The following PAX1 variants were observed in gnomAD, a reference collection of about 807,000 sequenced individuals.
PAX1 encodes paired box protein Pax-1.
Under a neutral mutation model 35.6 loss-of-function variants are expected in PAX1, and 18 were observed. The observed-to-expected ratio is 0.50, with a 90% confidence interval of 0.35 to 0.75. The LOEUF (loss-of-function observed/expected upper bound fraction) is 0.75, where lower values mean the gene tolerates loss of function less well. PAX1 is among the 30% of genes least tolerant of loss of function. The pLI is 0.01. For synonymous variants in PAX1, 397 were observed against 305.2 expected, an observed-to-expected ratio of 1.30 and a Z score of -3.14; for missense variants, 760 against 661.5, an observed-to-expected ratio of 1.15 and a Z score of -1.63.
At position 21,716,258 on chromosome 20, in the gene PAX1, G is replaced by A. The variant is rs921471385; in HGVS notation, c.*1696G>A. On this transcript the variant is annotated 3_prime_UTR_variant, in exon 5 of 5. Coordinates refer to ENST00000613128, the MANE Select transcript of PAX1 (RefSeq NM_001257096.2). ...GGGTTTGCACTACAAAGGGGCTTCC[G>A]GCTAATTGTTTTTTTTTCCTGCCTC... 12 of 144,076 alleles carry A rather than the reference G, an allele frequency of 8.3e-5. No homozygotes were observed. The highest frequency in any genetic ancestry group is 2.6e-4 in the Admixed American group (4 of 15,096). 8.9% of individuals were successfully genotyped at this position (144,076 alleles called of 1,614,324 possible).
Position 21,705,932 on chromosome 20 carries a change from G to A in PAX1, c.220G>A (p.Ala74Thr). The A allele has an allele frequency of 1.4e-6, 2 of 1,474,402 alleles. No individual in the cohort carries two copies. Among genetic ancestry groups the A allele is most frequent in the Admixed American group, 4.8e-5 (2 of 42,038 alleles). The allele number at this position is 1,474,402 out of a possible 1,614,324, so 91.3% of individuals were successfully genotyped here. A position where few individuals can be genotyped will look rare whatever the true frequency, so the allele number is the denominator to read the frequency against. Reference sequence around the variant, plus strand: ...CGGCGCCCAAGCTCTCCCGGACTGCGCCGGGCCCAGCCCCGGCCACCCCGG... The same window carrying A: ...CGGCGCCCAAGCTCTCCCGGACTGCACCGGGCCCAGCCCCGGCCACCCCGG... ...GGGAQALPDC[A>T]GPSPGHPGHP... The change falls in exon 1 of 5, where the codon GCC (alanine) becomes ACC (threonine). Residue 74 changes from alanine (A) to threonine (T), a missense_variant. Ala to Thr is a moderately conservative substitution (Grantham distance 58, BLOSUM62 0). Coordinates refer to ENST00000613128, the MANE Select transcript of PAX1 (RefSeq NM_001257096.2).
chr20:21,714,638 G>A lies in PAX1; in HGVS notation c.*76G>A. The A allele has an allele frequency of 1.3e-6, 2 of 1,579,276 alleles. No individual in the cohort carries two copies. Among genetic ancestry groups the A allele is most frequent in the Non-Finnish European group, 1.7e-6 (2 of 1,165,898 alleles). ...GCGCACAGGTCTGCGCGGCGGCCCC[G>A]GCAATCGGCACGGGCAGGATCGGAG... On this transcript the variant is annotated 3_prime_UTR_variant, in exon 5 of 5. Transcript: ENST00000613128.
At position 21,707,106 on chromosome 20, in the gene PAX1, C is replaced by T. The variant is rs765213809; in HGVS notation, c.916+39C>T. On this transcript the variant is annotated intron_variant, in intron 2 of 4. Transcript: ENST00000613128. ...GCCTCCGTAGCCTTCTATTAAGGGG[C>T]AGAACCTGGGGCGGGCAGGCTTGCA... 3.7e-5 allele frequency: 60 copies of T among 1,612,020 alleles called. No homozygotes were observed. The East Asian group carries it at 1.2e-3, about 31-fold the overall frequency.
chr20:21,717,369 T>C lies in PAX1; in HGVS notation c.*2807T>C, dbSNP rs990772511. The C allele has an allele frequency of 6.6e-6, 1 of 152,278 alleles. No homozygotes were observed. The highest frequency in any genetic ancestry group is 2.1e-4 in the South Asian group (1 of 4,836). 9.4% of individuals were successfully genotyped at this position (152,278 alleles called of 1,614,324 possible). A position where few individuals can be genotyped will look rare whatever the true frequency, so the allele number is the denominator to read the frequency against. The stretch of plus-strand genomic sequence containing the variant: ...GACCTCTTGGAACCTGTCTGTGAAA[T>C]GTAGCCTTCAATGCAGTAACGCGCA... On this transcript the variant is annotated 3_prime_UTR_variant, in exon 5 of 5. Transcript: ENST00000613128.
chr20:21,707,183 G>C, intron 2 of PAX1, 116 bp downstream of exon 2: 1 of 1,323,084 alleles, frequency 7.6e-7, no homozygotes, highest in Non-Finnish European at 1.1e-6. Flanking sequence ...GCTCAGGGGA[G>C]GGCTCCACAC....
At chr20:21,707,167 GTTCT>G (rs1251628914) in intron 2 of PAX1, 100 bp downstream of exon 2, 4 of 1,482,538 alleles carry the variant, frequency 2.7e-6, no homozygotes, top group African/African-American at 2.8e-5. Context: ...CCCGGGACCG[GTTCT>G]GGCTCAGGGG....
rs960552009 is a variant in PAX1 at position 21,717,263 on chromosome 20, C to G, written c.*2701C>G. The stretch of plus-strand genomic sequence containing the variant: ...TGTGGGGTGTGGAGGGACATACCCC[C>G]TCTCTCGCGGCTGGGGGTCACGGAA... On this transcript the variant is annotated 3_prime_UTR_variant, in exon 5 of 5. Transcript: ENST00000613128. The G allele has an allele frequency of 6.6e-6, 1 of 152,264 alleles. No individual in the cohort carries two copies. The highest frequency in any genetic ancestry group is 1.5e-5 in the Non-Finnish European group (1 of 68,096). The allele number at this position is 152,264 out of a possible 1,614,324, so 9.4% of individuals were successfully genotyped here. A position where few individuals can be genotyped will look rare whatever the true frequency, so the allele number is the denominator to read the frequency against.
At chr20:21,707,657 G>C (rs1035371677) in intron 2 of PAX1, among the ~76,000 whole-genome samples, 5 of 152,196 alleles carry the variant, frequency 3.3e-5, no homozygotes, top group African/African-American at 9.7e-5. Flanking sequence ...AGTGGGTGAC[G>C]AGGAAGATGG....
chr20:21,707,128 T>G (rs1334663504), intron 2 of PAX1, 61 bp downstream of exon 2: 1 of 1,599,042 alleles, frequency 6.3e-7, no homozygotes, highest in South Asian at 1.1e-5. Context: ...CGGGCAGGCT[T>G]GCAGGAGAGG....
chr20:21,705,902 G>A lies in PAX1; in HGVS notation c.190G>A (p.Gly64Ser). The A allele has an allele frequency of 7.1e-7, 1 of 1,398,916 alleles. No individual in the cohort carries two copies. The highest frequency in any genetic ancestry group is 1.5e-5 in the African/African-American group (1 of 66,144). 86.7% of individuals were successfully genotyped at this position (1,398,916 alleles called of 1,614,324 possible). A position where few individuals can be genotyped will look rare whatever the true frequency, so the allele number is the denominator to read the frequency against. The change falls in exon 1 of 5, where the codon GGC (glycine) becomes AGC (serine). Residue 64 changes from glycine to serine, a missense_variant. Physicochemically the swap from Gly to Ser is moderately conservative, Grantham distance 56. This residue lies in a region of PAX1 where 222 missense variants were observed against 153.0 expected (regional missense o/e 1.45). Transcript: ENST00000613128. ...GALPLCLSRG[G>S]GGAQALPDCA... ...CCTCCCTCTATGCCTCTCACGCGGC[G>A]GCGGCGGCGCCCAAGCTCTCCCGGA...
chr20:21,713,373 CTT>C (rs113207408), intron 4 of PAX1, among the ~76,000 whole-genome samples: 2,142 of 124,064 alleles, frequency 0.017, 45 homozygotes, highest in African/African-American at 0.077. Context: ...CGTGTGTTTT[CTT>C]TTTTTTTTGT....
chr20:21,709,225 G>A lies in PAX1; in HGVS notation c.1063G>A (p.Ala355Thr). 6.2e-7 allele frequency: 1 copy of A among 1,605,224 alleles called. No individual in the cohort carries two copies. Among genetic ancestry groups the A allele is most frequent in the Non-Finnish European group, 8.5e-7 (1 of 1,178,764 alleles). Residue 355 changes from alanine (A) to threonine (T), a missense_variant, in exon 4 of 5, where the codon GCC becomes ACC. Ala to Thr is a moderately conservative substitution (Grantham distance 58). Transcript: ENST00000613128. Reference protein sequence around the residue: ...LEADIKYTQSASTLSAVGGFL... With the variant: ...LEADIKYTQSTSTLSAVGGFL... Reference sequence around the variant, plus strand: ...CGGTCCCTCTCTATCCCCACAGTCGGCCTCCACCCTCTCTGCCGTGGGCGG... The same window carrying A: ...CGGTCCCTCTCTATCCCCACAGTCGACCTCCACCCTCTCTGCCGTGGGCGG...
Position 21,706,869 on chromosome 20 carries a change from C to T in PAX1, c.718C>T (p.Pro240Ser), listed in dbSNP as rs1169613780. Residue 240 changes from proline to serine, a missense_variant, in exon 2 of 5, where the codon CCG becomes TCG. Coordinates refer to ENST00000613128, the MANE Select transcript of PAX1 (RefSeq NM_001257096.2). The surrounding 1 kb of genome is among the most constrained non-coding windows in gnomAD (Gnocchi z 5.3). ...CGGACCGTACGAGGCAAGTAAGCAG[C>T]CGCCGTCGCAGCCTACGCTGCCCTA... The part of the protein sequence containing the change: ...QPGPYEASKQ[P>S]PSQPTLPYNH... The T allele has an allele frequency of 1.2e-6, 2 of 1,613,392 alleles. No individual in the cohort carries two copies. The highest frequency in any genetic ancestry group is 1.7e-6 in the Non-Finnish European group (2 of 1,180,016).
rs762899238 is a variant in PAX1 at position 21,708,626 on chromosome 20, A to C, written c.985A>C (p.Thr329Pro). Reference protein sequence around the residue: ...KMEDWAGVNRTAFPATPAVNG... With the variant: ...KMEDWAGVNRPAFPATPAVNG... ...GGAAGACTGGGCCGGCGTGAACCGC[A>C]CGGCCTTCCCCGCCACCCCCGCAGT... Residue 329 changes from threonine (T) to proline (P), a missense_variant, in exon 3 of 5, where the codon ACG becomes CCG. Transcript: ENST00000613128. The C allele has an allele frequency of 6.2e-7, 1 of 1,613,348 alleles. No homozygotes were observed. The highest frequency in any genetic ancestry group is 1.1e-5 in the South Asian group (1 of 91,086).
At chr20:21,712,212 TTTAA>T (rs1334531646) in intron 4 of PAX1, among the ~76,000 whole-genome samples, 1 of 152,228 alleles carries the variant, frequency 6.6e-6, no homozygotes, top group Non-Finnish European at 1.5e-5. Flanking sequence ...AAATTTAGCA[TTTAA>T]TTAGATATTA....
Position 21,714,672 on chromosome 20 carries a change from G to C in PAX1, c.*110G>C. The C allele has an allele frequency of 1.2e-6, 2 of 1,604,834 alleles. No individual in the cohort carries two copies. The highest frequency in any genetic ancestry group is 1.7e-6 in the Non-Finnish European group (2 of 1,178,490). On this transcript the variant is annotated 3_prime_UTR_variant, in exon 5 of 5. Coordinates refer to ENST00000613128, the MANE Select transcript of PAX1 (RefSeq NM_001257096.2). ...CACGGGCAGGATCGGAGGACTCGCG[G>C]AGGAGGAAGCCAGTGCCGGCCCGCG...
At chr20:21,709,829 C>A (rs1030184402) in intron 4 of PAX1, among the ~76,000 whole-genome samples, 8 of 152,062 alleles carry the variant, frequency 5.3e-5, no homozygotes, top group Non-Finnish European at 7.4e-5. Context: ...ACCCTCCAGG[C>A]TCACCTTTCT....
intron 3 of PAX1, 24 bp downstream of exon 3, chr20:21,708,724 G>A (rs1163799264): frequency 5.6e-6 from 9 of 1,611,352 alleles, no homozygotes; most frequent in Admixed American, 1.7e-5. Flanking sequence ...ACGTGAGGCC[G>A]TGACCTTAAG....
At chr20:21,707,097 A>G (rs1375325428) in intron 2 of PAX1, 30 bp downstream of exon 2, 5 of 1,612,666 alleles carry the variant, frequency 3.1e-6, no homozygotes, top group East Asian at 4.5e-5. Flanking sequence ...GTAGCCTTCT[A>G]TTAAGGGGCA....
Sources: gnomAD v4.1 joint callset for allele counts (sites outside exome capture counted in the v4.1 genomes callset) on GRCh38, gnomAD v4.1.1 for gene constraint, gnomAD v4.1.1 regional missense constraint, Gnocchi (gnomAD v3.1) non-coding constraint, MANE v1.5 for transcripts, NCBI Gene and HGNC (gene_info 2026-07-23, HGNC 2026-07-21) for gene names.